Variants in PHACTR1 observed in about 807,000 individuals in gnomAD.
PHACTR1 encodes the protein RPEL repeat containing 1.
PHACTR1 carries 16 observed loss-of-function variants against 69.2 expected under a neutral mutation model. The observed-to-expected ratio is 0.23, with a 90% CI of 0.16 to 0.35. The LOEUF is 0.35. Ranked by LOEUF, PHACTR1 falls within the 10% of genes least tolerant of loss-of-function variation. The pLI is 1.00. For missense variants in PHACTR1, 510 were observed against 734.7 expected, an observed-to-expected ratio of 0.69 and a Z score of 3.54; for synonymous variants, 312 against 284.5, an observed-to-expected ratio of 1.10 and a Z score of -0.97.
intron 4 of PHACTR1, among the ~76,000 whole-genome samples, chr6:12,965,376 G>C (rs1274880054): frequency 6.6e-6 from 1 of 151,072 alleles, no homozygotes; most frequent in Non-Finnish European, 1.5e-5. Flanking sequence ...AGCTGAGATG[G>C]AACAAAGTGA....
At chr6:13,137,664 A>T (rs1391687176) in intron 5 of PHACTR1, among the ~76,000 whole-genome samples, 1 of 152,224 alleles carries the variant, frequency 6.6e-6, no homozygotes, top group Non-Finnish European at 1.5e-5. Flanking sequence ...TGCACAGGTG[A>T]CCCATGCATT....
intron 4 of PHACTR1, among the ~76,000 whole-genome samples, chr6:12,932,104 C>T (rs1466607759): frequency 3.3e-5 from 5 of 152,132 alleles, no homozygotes; most frequent in Non-Finnish European, 5.9e-5. Context: ...TATTCTGATG[C>T]ACATTCAGTT....
intron 4 of PHACTR1, among the ~76,000 whole-genome samples, chr6:12,881,177 G>A (rs1783058971): frequency 2.0e-5 from 3 of 151,976 alleles, no homozygotes; most frequent in Non-Finnish European, 2.9e-5. Flanking sequence ...AGGGAGCTGC[G>A]TGAAAGGCGG....
chr6:13,092,643 G>T (rs559242711), intron 5 of PHACTR1, among the ~76,000 whole-genome samples: 64 of 152,330 alleles, frequency 4.2e-4, no homozygotes, highest in African/African-American at 1.5e-3. Flanking sequence ...ATCAGTGGGA[G>T]TCCTGAGCTT....
At chr6:12,752,366 G>C (rs1442055645) in intron 4 of PHACTR1, among the ~76,000 whole-genome samples, 2 of 152,214 alleles carry the variant, frequency 1.3e-5, no homozygotes, top group Admixed American at 1.3e-4. Context: ...TCTGGGCATA[G>C]AGATAATTTT....
intron 7 of PHACTR1, 32 bp downstream of exon 7, chr6:13,182,718 C>G (rs767641821): frequency 6.7e-7 from 1 of 1,483,364 alleles, no homozygotes; most frequent in Non-Finnish European, 8.9e-7. Context: ...AGAGCAGGTC[C>G]CAGACACCAA....
chr6:13,250,566 C>T (rs1301263664), intron 10 of PHACTR1, among the ~76,000 whole-genome samples: 10 of 152,228 alleles, frequency 6.6e-5, no homozygotes, highest in African/African-American at 1.2e-4. Flanking sequence ...TGCAGACAGA[C>T]TGAGAGAAGG....
chr6:12,849,309 C>T (rs999472661), intron 4 of PHACTR1, among the ~76,000 whole-genome samples: 1 of 152,192 alleles, frequency 6.6e-6, no homozygotes, highest in East Asian at 1.9e-4. Flanking sequence ...TGAGGTCCCA[C>T]GTCGGTGATT....
intron 10 of PHACTR1, among the ~76,000 whole-genome samples, chr6:13,264,683 C>T (rs1419508970): frequency 6.6e-6 from 1 of 152,124 alleles, no homozygotes; most frequent in Admixed American, 6.5e-5. Flanking sequence ...TGCACCACTG[C>T]ACTCCAGCCT....
rs1392639099 is a variant in PHACTR1 at position 12,791,531 on chromosome 6, A to G, written c.250+41741A>G. Among the ~76,000 whole-genome samples the G allele has an allele frequency of 3.3e-5, 5 of 152,312 alleles. No individual in the cohort carries two copies. In the East Asian group the frequency reaches 5.8e-4, roughly 18 times the overall value. ...AGCAAAAGGAGATGCACACTCACTA[A>G]CCCTAGCAAAGGACAGAGAAATGAG... On this transcript the variant is annotated intron_variant, in intron 4 of 14. Transcript: ENST00000332995.
chr6:13,078,234 A>G (rs1810844378), intron 5 of PHACTR1, among the ~76,000 whole-genome samples: 1 of 152,118 alleles, frequency 6.6e-6, no homozygotes, highest in South Asian at 2.1e-4. Flanking sequence ...TTTGCTCACC[A>G]TCTTGGTCAT....
intron 4 of PHACTR1, among the ~76,000 whole-genome samples, chr6:12,799,051 C>A (rs1211176843): frequency 1.3e-5 from 2 of 152,178 alleles, no homozygotes; most frequent in African/African-American, 4.8e-5. Context: ...TGACTTAAGA[C>A]TATGTCAAAT....
intron 4 of PHACTR1, among the ~76,000 whole-genome samples, chr6:12,864,867 TG>T (rs1192888103): frequency 2.0e-5 from 3 of 152,188 alleles, no homozygotes; most frequent in Non-Finnish European, 4.4e-5. Flanking sequence ...AAGGATTTCA[TG>T]GTTGACTTAT....
chr6:12,951,034 T>C (rs1791229361), intron 4 of PHACTR1, among the ~76,000 whole-genome samples: 1 of 152,240 alleles, frequency 6.6e-6, no homozygotes, highest in African/African-American at 2.4e-5. Flanking sequence ...TGCCTTTTTC[T>C]GTTGCTCTCC....
chr6:12,974,223 AGT>A (rs1794597594), intron 4 of PHACTR1, among the ~76,000 whole-genome samples: 1 of 152,178 alleles, frequency 6.6e-6, no homozygotes, highest in East Asian at 1.9e-4. Context: ...CCTGGCCAGG[AGT>A]GTGAGATTTT....
intron 10 of PHACTR1, among the ~76,000 whole-genome samples, chr6:13,266,222 T>C (rs1776680482): frequency 6.6e-6 from 1 of 152,146 alleles, no homozygotes; most frequent in African/African-American, 2.4e-5. Flanking sequence ...ATATGCTACC[T>C]GACTTCCTAA....
intron 6 of PHACTR1, among the ~76,000 whole-genome samples, chr6:13,176,418 C>G (rs1376960318): frequency 6.6e-6 from 1 of 152,182 alleles, no homozygotes; most frequent in Non-Finnish European, 1.5e-5. Context: ...TTCTCTAATT[C>G]CTAGCAAGGT....
chr6:12,785,442 A>G (rs1270119552), intron 4 of PHACTR1, among the ~76,000 whole-genome samples: 1 of 152,206 alleles, frequency 6.6e-6, no homozygotes, highest in Non-Finnish European at 1.5e-5. Flanking sequence ...AGACATAGTT[A>G]CGTCTTATGC....
intron 5 of PHACTR1, among the ~76,000 whole-genome samples, chr6:13,124,466 G>A (rs1356572746): frequency 6.6e-6 from 1 of 152,174 alleles, no homozygotes; most frequent in Non-Finnish European, 1.5e-5. Flanking sequence ...ACATGACTCA[G>A]TCATTTGGTC....
Sources: allele counts gnomAD v4.1 joint callset (sites outside exome capture counted in the v4.1 genomes callset), GRCh38; gene constraint gnomAD v4.1.1; transcripts MANE v1.5; gene names NCBI Gene and HGNC (gene_info 2026-07-23, HGNC 2026-07-21).